Variants in NF2 observed in about 807,000 individuals in gnomAD.
NF2 encodes NF2, moesin-ezrin-radixin like (MERLIN) tumor suppressor, also known as merlin.
A neutral mutation model predicts 83.7 loss-of-function variants in NF2; 8 were observed. That is an observed-to-expected ratio of 0.10 (90% CI 0.06 to 0.17). The LOEUF (loss-of-function observed/expected upper bound fraction) is 0.17, where lower values mean the gene tolerates loss of function less well. Among genes scored for constraint, NF2 ranks in the 10% least tolerant of loss-of-function variants. The pLI, the probability that NF2 is intolerant of heterozygous loss-of-function variation, is 1.00. For synonymous variants in NF2, 266 were observed against 269.6 expected (o/e 0.99, Z 0.13); for missense variants, 533 against 744.4 (o/e 0.72, Z 3.31).
intron 15 of NF2, among the ~76,000 whole-genome samples, chr22:29,692,404 C>A (rs1045833024): frequency 1.3e-5 from 2 of 152,198 alleles, no homozygotes; most frequent in Admixed American, 1.3e-4. Context: ...CCCCACCCAC[C>A]CCAGAGCACT....
intron 10 of NF2, among the ~76,000 whole-genome samples, chr22:29,668,686 A>G (rs2066697858): frequency 6.6e-6 from 1 of 152,192 alleles, no homozygotes; most frequent in Non-Finnish European, 1.5e-5. Flanking sequence ...ACGCTTGGAG[A>G]AATTAAGTGT....
chr22:29,677,563 C>T (rs1003254894), intron 13 of NF2, among the ~76,000 whole-genome samples: 5 of 144,914 alleles, frequency 3.5e-5, no homozygotes, highest in Non-Finnish European at 6.2e-5. Context: ...TGTCCAAGCC[C>T]AAGCCCCTCG....
At chr22:29,612,773 T>C (rs1335701886) in intron 1 of NF2, among the ~76,000 whole-genome samples, 1 of 152,232 alleles carries the variant, frequency 6.6e-6, no homozygotes, top group African/African-American at 2.4e-5. Flanking sequence ...ACATAATCCC[T>C]GTCAGAATCC....
chr22:29,613,007 T>C (rs1000945361), intron 1 of NF2, among the ~76,000 whole-genome samples: 1 of 151,842 alleles, frequency 6.6e-6, no homozygotes, highest in Non-Finnish European at 1.5e-5. Flanking sequence ...AGGCAGGGAA[T>C]CGCTTGAACC....
chr22:29,629,024 C>T (rs2065442955), intron 1 of NF2, among the ~76,000 whole-genome samples: 1 of 152,166 alleles, frequency 6.6e-6, no homozygotes, highest in Non-Finnish European at 1.5e-5. Flanking sequence ...TCTCCCCACT[C>T]CCCTCTTTTT....
chr22:29,639,753 G>C (rs2065751418), intron 3 of NF2, among the ~76,000 whole-genome samples: 1 of 151,312 alleles, frequency 6.6e-6, no homozygotes. Flanking sequence ...GTGGTGGCAG[G>C]TGCCTGTAGT....
intron 1 of NF2, among the ~76,000 whole-genome samples, chr22:29,613,951 G>T (rs2146719268): frequency 6.6e-6 from 1 of 150,478 alleles, no homozygotes; most frequent in East Asian, 2.0e-4. Context: ...TAGAGATAGG[G>T]TTCCACTATG....
In NF2 at chr22:29,639,139, T is replaced by G; in HGVS notation, c.290T>G (p.Leu97Trp). The part of the protein sequence containing the change: ...SKEEPVTFHF[L>W]AKFYPENAEE... The stretch of plus-strand genomic sequence containing the variant: ...GAAGAACCAGTCACCTTTCACTTCT[T>G]GGCCAAATTTTATCCTGAGAATGCT... Residue 97 changes from leucine (L) to tryptophan (W), a missense_variant, in exon 3 of 16, where the codon TTG becomes TGG. Leu to Trp is a moderately conservative substitution (Grantham distance 61, BLOSUM62 -2). Transcript: ENST00000338641. The G allele has an allele frequency of 6.2e-7, 1 of 1,614,194 alleles. No individual in the cohort carries two copies. The highest frequency in any genetic ancestry group is 8.5e-7 in the Non-Finnish European group (1 of 1,180,030).
chr22:29,639,188 C>G lies in NF2; in HGVS notation c.339C>G (p.Ile113Met), dbSNP rs2065732712. ...ENAEEELVQE[I>M]TQHLFFLQVK... ...CTGAAGAGGAGCTGGTTCAGGAGAT[C>G]ACACAACATTTATTCTTCTTACAGG... Residue 113 changes from isoleucine to methionine, a missense_variant, in exon 3 of 16, where the codon ATC (isoleucine) becomes ATG (methionine). Physicochemically the swap from Ile to Met is conservative, Grantham distance 10 (BLOSUM62 1). Coordinates refer to ENST00000338641, the MANE Select transcript of NF2 (RefSeq NM_000268.4). 1 of 1,614,040 alleles carries G rather than the reference C, an allele frequency of 6.2e-7. No homozygotes were observed. Among genetic ancestry groups the G allele is most frequent in the Admixed American group, 1.7e-5 (1 of 60,002 alleles).
rs1455419431 is a variant in NF2 at position 29,636,223 on chromosome 22, GTC to G, written c.115-523_115-522del. On this transcript the variant is annotated intron_variant, in intron 1 of 15. Coordinates refer to ENST00000338641, the MANE Select transcript of NF2 (RefSeq NM_000268.4). The surrounding 1 kb of genome is among the most constrained non-coding windows in gnomAD (Gnocchi z 4.4). ...GACAGACCTGTGATTGGACTGTCTGGTCTCTCATGGTTCTTTTTCTCCATGAT... is the reference window on the plus strand; with the variant it reads ...GACAGACCTGTGATTGGACTGTCTGGTCTCATGGTTCTTTTTCTCCATGAT... Among the ~76,000 whole-genome samples the G allele has an allele frequency of 6.6e-6, 1 of 151,984 alleles. No individual in the cohort carries two copies. Among genetic ancestry groups the G allele is most frequent in the Non-Finnish European group, 1.5e-5 (1 of 68,006 alleles).
At chr22:29,678,844 A>G (rs940683495) in intron 14 of NF2, among the ~76,000 whole-genome samples, 50 of 152,358 alleles carry the variant, frequency 3.3e-4, no homozygotes, top group Non-Finnish European at 5.4e-4. Flanking sequence ...TGGCCTGATC[A>G]TGGCAGCAAT....
intron 1 of NF2, among the ~76,000 whole-genome samples, chr22:29,605,761 T>C (rs2064777128): frequency 6.6e-6 from 1 of 152,206 alleles, no homozygotes; most frequent in South Asian, 2.1e-4. Context: ...ATTCCCTCCT[T>C]ACTCACTCCT....
chr22:29,612,725 C>G (rs1386849326), intron 1 of NF2, among the ~76,000 whole-genome samples: 1 of 145,616 alleles, frequency 6.9e-6, no homozygotes, highest in African/African-American at 2.5e-5. Context: ...ATAACGTTGT[C>G]AAATTGGCAG....
chr22:29,666,609 A>G (rs1027115891), intron 9 of NF2, among the ~76,000 whole-genome samples: 2 of 152,072 alleles, frequency 1.3e-5, no homozygotes, highest in African/African-American at 4.8e-5. Flanking sequence ...TGAGGCCAGG[A>G]GTTCGAGACC....
Position 29,627,674 on chromosome 22 carries a change from G to A in NF2, c.115-9077G>A, listed in dbSNP as rs116429359. ...TCCCATAACTGCTCTGCACTTCAGC[G>A]GGAAAGATGCCAGAAACTGCAAGCA... On this transcript the variant is annotated intron_variant, in intron 1 of 15. Coordinates refer to ENST00000338641, the MANE Select transcript of NF2 (RefSeq NM_000268.4). Among the ~76,000 whole-genome samples, 468 of 152,170 alleles carry A rather than the reference G, an allele frequency of 3.1e-3. 2 individuals are homozygous for A. The highest frequency in any genetic ancestry group is 0.01 in the African/African-American group (425 of 41,512).
intron 1 of NF2, among the ~76,000 whole-genome samples, chr22:29,613,520 G>T (rs2065007041): frequency 6.6e-6 from 1 of 152,128 alleles, no homozygotes; most frequent in African/African-American, 2.4e-5. Flanking sequence ...GACAGAGCGA[G>T]ATTCCATTTC....
rs1318812860 is a variant in NF2, at chr22:29,695,609, G to A, written c.*807G>A. 8 of 234,406 alleles carry A rather than the reference G, an allele frequency of 3.4e-5. No individual in the cohort carries two copies. Among genetic ancestry groups the A allele is most frequent in the Admixed American group, 1.1e-4 (2 of 17,924 alleles). The allele number at this position is 234,406 out of a possible 1,614,324, so 14.5% of individuals were successfully genotyped here. ...TCCCCATTGCCCGACGCCCATAGAC[G>A]CTCCTTCCTGTGTGGGGCTGGGGTA... On this transcript the variant is annotated 3_prime_UTR_variant, in exon 16 of 16. Coordinates refer to ENST00000338641, the MANE Select transcript of NF2 (RefSeq NM_000268.4). This position sits in a 1 kb window ranked among gnomAD's most constrained non-coding sequence, Gnocchi z 5.4.
intron 4 of NF2, among the ~76,000 whole-genome samples, chr22:29,648,749 C>T (rs1309028437): frequency 6.6e-6 from 1 of 152,136 alleles, no homozygotes; most frequent in Non-Finnish European, 1.5e-5. Flanking sequence ...CAGCGTATGC[C>T]CTGCTAATTT....
Position 29,695,243 on chromosome 22 carries a change from G to A in NF2, c.*441G>A. 5.7e-6 allele frequency: 2 copies of A among 351,694 alleles called. No individual in the cohort carries two copies. The highest frequency in any genetic ancestry group is 4.2e-5 in the South Asian group (1 of 24,004). 21.8% of individuals were successfully genotyped at this position (351,694 alleles called of 1,614,324 possible). On this transcript the variant is annotated 3_prime_UTR_variant, in exon 16 of 16. Coordinates refer to ENST00000338641, the MANE Select transcript of NF2 (RefSeq NM_000268.4). The surrounding 1 kb of genome is among the most constrained non-coding windows in gnomAD (Gnocchi z 5.4). The stretch of plus-strand genomic sequence containing the variant: ...GTTCCGGAACATTCATTCCCCCACC[G>A]GTGAGGACCTGGCATGCAGCGAAGC...
Sources: allele counts gnomAD v4.1 joint callset (sites outside exome capture counted in the v4.1 genomes callset), GRCh38; gene constraint gnomAD v4.1.1; non-coding constraint Gnocchi (gnomAD v3.1); transcripts MANE v1.5; gene names NCBI Gene and HGNC (gene_info 2026-07-23, HGNC 2026-07-21).